FAM76A: variants seen among roughly 807,000 people sequenced by gnomAD.
The protein encoded by FAM76A is family with sequence similarity 76 member A.
FAM76A carries 32 observed loss-of-function variants against 46.2 expected under a neutral mutation model. That is an observed-to-expected ratio of 0.69 (90% CI 0.52 to 0.93). The LOEUF (loss-of-function observed/expected upper bound fraction) is 0.93. Ranked by LOEUF, FAM76A falls within the 40% of genes least tolerant of loss-of-function variation. The pLI is 0.00. For synonymous variants in FAM76A, 137 were observed against 127.0 expected (o/e 1.08, Z -0.53); for missense variants, 274 against 361.5 (o/e 0.76, Z 1.96).
chr1:27,760,540 A>G lies in FAM76A; in HGVS notation c.883A>G (p.Ser295Gly), dbSNP rs1164425224. The G allele has an allele frequency of 6.2e-7, 1 of 1,612,552 alleles. No individual in the cohort carries two copies. Among genetic ancestry groups the G allele is most frequent in the Non-Finnish European group, 8.5e-7 (1 of 1,179,156 alleles). Residue 295 changes from serine (S) to glycine (G), a missense_variant, in exon 9 of 9, where the codon AGC (serine) becomes GGC (glycine). Physicochemically the swap from Ser to Gly is moderately conservative, Grantham distance 56 (BLOSUM62 0). Coordinates refer to ENST00000373954, the MANE Select transcript of FAM76A (RefSeq NM_152660.3). ...LLKQAAALSKSKKSEKSGAIT... is the reference protein window; with the variant it reads ...LLKQAAALSKGKKSEKSGAIT... ...GAAGCAGGCAGCTGCTTTGTCCAAGAGCAAGAAGTCAGAGAAGTCAGGAGC... is the reference window on the plus strand; with the variant it reads ...GAAGCAGGCAGCTGCTTTGTCCAAGGGCAAGAAGTCAGAGAAGTCAGGAGC...
At chr1:27,732,960 G>T (rs1269557718) in intron 3 of FAM76A, among the ~76,000 whole-genome samples, 2 of 149,448 alleles carry the variant, frequency 1.3e-5, no homozygotes, top group Non-Finnish European at 3.0e-5. Flanking sequence ...TTTTGTGACT[G>T]AGTCTTGGTC....
chr1:27,740,544 T>C (rs888587646), intron 4 of FAM76A: 4 of 1,199,766 alleles, frequency 3.3e-6, no homozygotes, highest in East Asian at 2.4e-5. Flanking sequence ...AGCGTTGTTA[T>C]GAGGAGTGAG....
intron 4 of FAM76A, among the ~76,000 whole-genome samples, chr1:27,741,142 A>C (rs564573111): frequency 7.2e-5 from 11 of 151,970 alleles, no homozygotes; most frequent in Admixed American, 4.6e-4. Context: ...CAAAAAAAAA[A>C]AACAACAACA....
chr1:27,749,394 G>T (rs1000213501), intron 6 of FAM76A, among the ~76,000 whole-genome samples: 2 of 152,140 alleles, frequency 1.3e-5, no homozygotes, highest in Admixed American at 1.3e-4. Flanking sequence ...TTAAGAGACA[G>T]TCTCACTCTG....
chr1:27,731,481 C>T (rs948227363), intron 2 of FAM76A, among the ~76,000 whole-genome samples: 19 of 151,988 alleles, frequency 1.3e-4, no homozygotes, highest in Non-Finnish European at 1.5e-4. Context: ...GCTGGGATTA[C>T]AGGCATGAGC....
chr1:27,726,277 A>G (rs1571459967), intron 1 of FAM76A, 116 bp downstream of exon 1: 1 of 936,740 alleles, frequency 1.1e-6, no homozygotes, highest in African/African-American at 1.7e-5. Context: ...CAGGCCCGCC[A>G]GGCTGAGGAG....
intron 6 of FAM76A, among the ~76,000 whole-genome samples, 170 bp from the exon 7 acceptor site, chr1:27,755,025 C>T (rs573012358): frequency 6.6e-5 from 10 of 152,174 alleles, no homozygotes; most frequent in Non-Finnish European, 1.5e-4. Flanking sequence ...CTTACCTCTG[C>T]AGTTCAGCTC....
At chr1:27,727,352 G>A in intron 1 of FAM76A, 120 bp from the exon 2 acceptor site, 1 of 759,734 alleles carries the variant, frequency 1.3e-6, no homozygotes, top group Non-Finnish European at 2.3e-6. Flanking sequence ...GGCCCAGAAA[G>A]TTTAAGTGAC....
chr1:27,741,946 G>C (rs2088162723), intron 4 of FAM76A, among the ~76,000 whole-genome samples: 1 of 151,982 alleles, frequency 6.6e-6, no homozygotes, highest in African/African-American at 2.4e-5. Context: ...GCGGCTATGG[G>C]GAAATAGCTT....
At chr1:27,730,578 G>A (rs770386956) in intron 2 of FAM76A, among the ~76,000 whole-genome samples, 3 of 152,142 alleles carry the variant, frequency 2.0e-5, no homozygotes, top group Non-Finnish European at 4.4e-5. Context: ...AAATCTAGGC[G>A]TAAATCAAAA....
chr1:27,754,099 CTTTT>C (rs869275641), intron 6 of FAM76A, among the ~76,000 whole-genome samples: 2 of 87,522 alleles, frequency 2.3e-5, no homozygotes, highest in Admixed American at 1.3e-4. Context: ...ACTATCCCTT[CTTTT>C]TTTTTTTTTT....
chr1:27,740,429 G>A (rs2088131716), intron 4 of FAM76A: 4 of 1,470,470 alleles, frequency 2.7e-6, no homozygotes, highest in East Asian at 2.3e-5. Context: ...ACATTCACTG[G>A]TTGAGGACCC....
chr1:27,737,841 G>C (rs2088075831), intron 4 of FAM76A, among the ~76,000 whole-genome samples: 1 of 117,638 alleles, frequency 8.5e-6, no homozygotes, highest in Non-Finnish European at 1.6e-5. Flanking sequence ...AACAGAGTGA[G>C]ACTCCATCTC....
intron 1 of FAM76A, among the ~76,000 whole-genome samples, chr1:27,726,603 T>C (rs2087865059): frequency 6.6e-6 from 1 of 151,928 alleles, no homozygotes; most frequent in African/African-American, 2.4e-5. Context: ...TCGACCAGTT[T>C]CAGAATCGGA....
At position 27,760,946 on chromosome 1, in the gene FAM76A, G is replaced by GC. The variant is rs1334446832; in HGVS notation, c.*365_*366insC. The GC allele has an allele frequency of 3.0e-5, 1 of 33,288 alleles. No homozygotes were observed. The highest frequency in any genetic ancestry group is 5.9e-5 in the Non-Finnish European group (1 of 16,890). 2.1% of individuals were successfully genotyped at this position (33,288 alleles called of 1,614,324 possible). ...TAATGTGCAGAATGATTTGTTTTTT[G>GC]TTTTTTTTTTTTTTTTTGGTCCTTC... On this transcript the variant is annotated 3_prime_UTR_variant, in exon 9 of 9. Coordinates refer to ENST00000373954, the MANE Select transcript of FAM76A (RefSeq NM_152660.3).
chr1:27,741,559 T>C (rs529710727), intron 4 of FAM76A, among the ~76,000 whole-genome samples: 1 of 151,898 alleles, frequency 6.6e-6, no homozygotes, highest in East Asian at 1.9e-4. Context: ...ATAAAAAAAA[T>C]TTTTTTTCCA....
At chr1:27,746,714 G>A (rs111525300) in intron 5 of FAM76A, among the ~76,000 whole-genome samples, 142 of 152,202 alleles carry the variant, frequency 9.3e-4, no homozygotes, top group African/African-American at 3.2e-3. Flanking sequence ...GTGACAGAGC[G>A]AGACTCTATC....
intron 7 of FAM76A, among the ~76,000 whole-genome samples, chr1:27,756,491 A>G (rs2088411438): frequency 6.6e-6 from 1 of 151,900 alleles, no homozygotes; most frequent in South Asian, 2.1e-4. Flanking sequence ...GGGTTTCGCC[A>G]TGTTGGACAG....
At chr1:27,751,659 C>T (rs2148583879) in intron 6 of FAM76A, among the ~76,000 whole-genome samples, 1 of 151,730 alleles carries the variant, frequency 6.6e-6, no homozygotes, top group African/African-American at 2.4e-5. Flanking sequence ...CATGCACCAC[C>T]ATGCCTGCCT....
Sources: gnomAD v4.1 joint callset for allele counts (sites outside exome capture counted in the v4.1 genomes callset) on GRCh38, gnomAD v4.1.1 for gene constraint, MANE v1.5 for transcripts, NCBI Gene and HGNC (gene_info 2026-07-23, HGNC 2026-07-21) for gene names.